The following NYAP2 variants were observed in gnomAD, a reference collection of about 807,000 sequenced individuals.
The protein encoded by NYAP2 is neuronal tyrosine-phosphorylated phosphoinositide-3-kinase adapter 2.
A neutral mutation model predicts 50.4 loss-of-function variants in NYAP2; 23 were observed. That is an observed-to-expected ratio of 0.46 (90% confidence interval 0.33 to 0.65). NYAP2 has a LOEUF of 0.65. Among genes scored for constraint, NYAP2 ranks in the 30% least tolerant of loss-of-function variants. The probability of loss-of-function intolerance (pLI) is 0.02; values close to 1 mark genes in which losing one functional copy is unlikely to be tolerated. For missense variants in NYAP2, 885 were observed against 861.0 expected, an observed-to-expected ratio of 1.03 and a Z score of -0.35; for synonymous variants, 394 against 365.2, an observed-to-expected ratio of 1.08 and a Z score of -0.90.
At chr2:225,444,527 G>A (rs574290805) in intron 3 of NYAP2, among the ~76,000 whole-genome samples, 7 of 152,172 alleles carry the variant, frequency 4.6e-5, no homozygotes, top group African/African-American at 1.4e-4. Context: ...ACACACAGAC[G>A]TGACACAGTA....
intron 3 of NYAP2, among the ~76,000 whole-genome samples, chr2:225,445,955 A>G (rs1689546688): frequency 1.3e-5 from 2 of 152,158 alleles, no homozygotes; most frequent in South Asian, 4.1e-4. Flanking sequence ...AATTTCCTCA[A>G]CTGTAAAACT....
intron 3 of NYAP2, among the ~76,000 whole-genome samples, chr2:225,491,415 A>G (rs1690405880): frequency 6.6e-6 from 1 of 152,190 alleles, no homozygotes; most frequent in South Asian, 2.1e-4. Context: ...TATGTTGAAT[A>G]CTATCATCTC....
intron 2 of NYAP2, among the ~76,000 whole-genome samples, chr2:225,405,565 C>A (rs771179619): frequency 1.3e-5 from 2 of 151,878 alleles, no homozygotes; most frequent in Non-Finnish European, 2.9e-5. Context: ...TGGTTGTACT[C>A]GTCTGTGGGT....
chr2:225,443,032 G>A (rs1174790946), intron 3 of NYAP2, among the ~76,000 whole-genome samples: 3 of 152,200 alleles, frequency 2.0e-5, no homozygotes, highest in Non-Finnish European at 2.9e-5. Context: ...TCAGTCTCAT[G>A]AGACTTATTC....
chr2:225,477,424 G>T (rs1574634682), intron 3 of NYAP2, among the ~76,000 whole-genome samples: 1 of 151,898 alleles, frequency 6.6e-6, no homozygotes, highest in East Asian at 1.9e-4. Flanking sequence ...TTTTAGTAGA[G>T]ATGGGGTTTC....
exon 3 of NYAP2, chr2:225,409,100 C>T (rs751228966): frequency 9.6e-6 from 15 of 1,565,570 alleles, no homozygotes; most frequent in East Asian, 7.0e-5. Context: ...AGCAATAAAG[C>T]GGTAAATATA....
Position 225,470,924 on chromosome 2 carries a change from G to A in NYAP2, c.222-42447G>A, listed in dbSNP as rs140126677. ...CCTCAGCCTCCTTCCCAGCTGGGAA[G>A]ACTTCCCACCTGGGAGACTGAGGCA... On this transcript the variant is annotated intron_variant, in intron 3 of 6. Coordinates refer to ENST00000636099, the Ensembl canonical transcript of NYAP2. Among the ~76,000 whole-genome samples the A allele has an allele frequency of 1.7e-4, 26 of 152,136 alleles. No individual in the cohort carries two copies. In the East Asian group the frequency reaches 3.5e-3, roughly 20 times the overall value.
intron 4 of NYAP2, among the ~76,000 whole-genome samples, chr2:225,537,353 A>T (rs1691369732): frequency 6.6e-6 from 1 of 152,070 alleles, no homozygotes. Flanking sequence ...CACACTGCTG[A>T]TAAAGACATA....
intron 4 of NYAP2, among the ~76,000 whole-genome samples, chr2:225,544,868 C>A (rs1691543970): frequency 1.3e-5 from 2 of 152,130 alleles, no homozygotes; most frequent in South Asian, 4.1e-4. Context: ...TAGGACAGGT[C>A]TGGTATTGGT....
chr2:225,549,751 G>A (rs1372372448), intron 4 of NYAP2, among the ~76,000 whole-genome samples: 5 of 152,148 alleles, frequency 3.3e-5, no homozygotes, highest in South Asian at 2.1e-4. Context: ...GGAGGCTGAC[G>A]TGGGTGGATC....
chr2:225,443,046 A>G (rs975190205), intron 3 of NYAP2, among the ~76,000 whole-genome samples: 5 of 152,100 alleles, frequency 3.3e-5, no homozygotes, highest in Non-Finnish European at 7.4e-5. Flanking sequence ...CTTATTCACT[A>G]TCATGAGAAC....
chr2:225,658,689 T>C (rs1172828188), downstream of NYAP2, among the ~76,000 whole-genome samples: 2 of 152,208 alleles, frequency 1.3e-5, no homozygotes, highest in African/African-American at 4.8e-5. Flanking sequence ...TAGTTCTTTA[T>C]GGCACTCTCT....
intron 5 of NYAP2, among the ~76,000 whole-genome samples, chr2:225,620,577 T>C (rs1297274809): frequency 6.6e-6 from 1 of 152,244 alleles, no homozygotes; most frequent in Admixed American, 6.5e-5. Flanking sequence ...TTACAGATTT[T>C]TCAGCTCTGC....
chr2:225,656,327 C>T (rs1353522703), downstream of NYAP2, among the ~76,000 whole-genome samples: 4 of 152,206 alleles, frequency 2.6e-5, no homozygotes, highest in East Asian at 7.7e-4. Context: ...AGCCCAGTCC[C>T]TTCTGTATAC....
At chr2:225,638,908 T>G (rs1323322352) in intron 6 of NYAP2, among the ~76,000 whole-genome samples, 1 of 152,246 alleles carries the variant, frequency 6.6e-6, no homozygotes, top group Non-Finnish European at 1.5e-5. Context: ...CTCTTCTGTT[T>G]GCCAGGAGCT....
At chr2:225,501,880 A>T (rs998048712) in intron 3 of NYAP2, among the ~76,000 whole-genome samples, 3 of 152,156 alleles carry the variant, frequency 2.0e-5, no homozygotes, top group Non-Finnish European at 4.4e-5. Flanking sequence ...GAGGAGATCA[A>T]ATCAGAGAAC....
the NYAP2 span, among the ~76,000 whole-genome samples, chr2:225,695,120 CA>C: frequency 3.4e-4 from 52 of 151,708 alleles, no homozygotes; most frequent in South Asian, 2.1e-3. Flanking sequence ...TAAATTTACA[CA>C]CCTCTATAGC....
intron 3 of NYAP2, among the ~76,000 whole-genome samples, chr2:225,412,079 C>T (rs1356203832): frequency 6.7e-6 from 1 of 150,322 alleles, no homozygotes; most frequent in African/African-American, 2.4e-5. Flanking sequence ...TCTCCTGCCT[C>T]AGTCCCTCAG....
chr2:225,489,560 T>C (rs1302320337), intron 3 of NYAP2, among the ~76,000 whole-genome samples: 7 of 152,222 alleles, frequency 4.6e-5, no homozygotes, highest in Admixed American at 3.3e-4. Context: ...AATAGATTCC[T>C]GTTTTCCTTT....
Sources: allele counts gnomAD v4.1 joint callset (sites outside exome capture counted in the v4.1 genomes callset), GRCh38; gene constraint gnomAD v4.1.1; transcripts MANE v1.5; gene names NCBI Gene and HGNC (gene_info 2026-07-23, HGNC 2026-07-21).